The following PPP1R16B variants were observed in gnomAD, a reference collection of about 807,000 sequenced individuals.
PPP1R16B encodes protein phosphatase 1 regulatory subunit 16B.
A neutral mutation model predicts 61.7 loss-of-function variants in PPP1R16B; 14 were observed. The observed-to-expected ratio is 0.23, with a 90% CI of 0.15 to 0.35. The LOEUF (loss-of-function observed/expected upper bound fraction) is 0.35, where lower values mean the gene tolerates loss of function less well. Among genes scored for constraint, PPP1R16B ranks in the 10% least tolerant of loss-of-function variants. The pLI, the probability that PPP1R16B is intolerant of heterozygous loss-of-function variation, is 1.00. For synonymous variants in PPP1R16B, 266 were observed against 305.3 expected (o/e 0.87, Z 1.34); for missense variants, 547 against 752.5 (o/e 0.73, Z 3.19).
rs1212047381 is a variant in PPP1R16B, at chr20:38,896,115, C to CCTTT, written c.467+408_467+409insTCTT. ...GCCTTTCTTCTGTCTCCCCTCCCTTCCTTCTTTCTTCCCTTCCTCCCTCCT... is the reference window on the plus strand; with the variant it reads ...GCCTTTCTTCTGTCTCCCCTCCCTTCCTTTCTTCTTTCTTCCCTTCCTCCCTCCT... On this transcript the variant is annotated intron_variant, in intron 4 of 10. Coordinates refer to ENST00000299824, the MANE Select transcript of PPP1R16B (RefSeq NM_015568.4). Among the ~76,000 whole-genome samples, 284 of 98,912 alleles carry CCTTT rather than the reference C, an allele frequency of 2.9e-3. 1 individual carries two copies. The highest frequency in any genetic ancestry group is 9.4e-3 in the East Asian group (20 of 2,120). The allele number at this position is 98,912 out of a possible 152,430, so 64.9% of individuals were successfully genotyped here.
At position 38,822,504 on chromosome 20, in the gene PPP1R16B, CTTTT is replaced by C. The variant is rs972450839; in HGVS notation, c.-101-13302_-101-13299del. On this transcript the variant is annotated intron_variant, in intron 1 of 10. Coordinates refer to ENST00000299824, the MANE Select transcript of PPP1R16B (RefSeq NM_015568.4). ...TTGAACACATTTAGTGCCTTCCAAT[CTTTT>C]TTTTTTTTTTTTTTTTTTCTGTCTA... Among the ~76,000 whole-genome samples the C allele has an allele frequency of 4.8e-5, 5 of 104,208 alleles. No individual in the cohort carries two copies. The East Asian group carries it at 8.7e-4, about 18-fold the overall frequency. The allele number at this position is 104,208 out of a possible 152,430, so 68.4% of individuals were successfully genotyped here.
At chr20:38,843,308 C>T (rs1368512918) in intron 2 of PPP1R16B, among the ~76,000 whole-genome samples, 1 of 152,264 alleles carries the variant, frequency 6.6e-6, no homozygotes, top group Non-Finnish European at 1.5e-5. Flanking sequence ...TACTGCCTCA[C>T]ACAATTTCTG....
At chr20:38,858,330 G>A (rs2085022623) in intron 2 of PPP1R16B, among the ~76,000 whole-genome samples, 1 of 152,070 alleles carries the variant, frequency 6.6e-6, no homozygotes, top group East Asian at 1.9e-4. Context: ...GAAACTGATG[G>A]GGGAATTCTC....
intron 10 of PPP1R16B, among the ~76,000 whole-genome samples, chr20:38,910,796 G>T (rs549222470): frequency 1.3e-5 from 2 of 152,174 alleles, no homozygotes; most frequent in South Asian, 4.2e-4. Context: ...AAGAGATCGA[G>T]ACCATCCTAG....
In PPP1R16B at chr20:38,826,621, A is replaced by G. The variant is rs545742549; in HGVS notation, c.-101-9204A>G. On this transcript the variant is annotated intron_variant, in intron 1 of 10. Coordinates refer to ENST00000299824, the MANE Select transcript of PPP1R16B (RefSeq NM_015568.4). The stretch of plus-strand genomic sequence containing the variant: ...CAGGCAGAACCAATCCAAATCATCA[A>G]TCAGCACCTGCTTAAAATGGGCCTT... Among the ~76,000 whole-genome samples the G allele has an allele frequency of 3.3e-5, 5 of 152,354 alleles. No homozygotes were observed. In the East Asian group the frequency reaches 5.8e-4, roughly 18 times the overall value.
intron 2 of PPP1R16B, among the ~76,000 whole-genome samples, chr20:38,882,257 C>G (rs55927879): frequency 0.22 from 33,076 of 151,880 alleles, 4,019 homozygotes; most frequent in African/African-American, 0.32. Flanking sequence ...CAGAGGGGGA[C>G]AGTGTTGGGT....
rs539995306 is a variant in PPP1R16B at position 38,808,941 on chromosome 20, G to A, written c.-102+3149G>A. Among the ~76,000 whole-genome samples the A allele has an allele frequency of 3.5e-3, 525 of 152,126 alleles. 5 individuals are homozygous for A. The highest frequency in any genetic ancestry group is 0.012 in the African/African-American group (498 of 41,502). The stretch of plus-strand genomic sequence containing the variant: ...CTAGCTACTTGGGAGGCTGAGGCAC[G>A]AGAATTGCTTGAACCCGGGAGCAGG... On this transcript the variant is annotated intron_variant, in intron 1 of 10. Transcript: ENST00000299824.
rs942025025 is a variant in PPP1R16B at position 38,885,972 on chromosome 20, C to T, written c.251-3623C>T. Among the ~76,000 whole-genome samples, 9 of 152,270 alleles carry T rather than the reference C, an allele frequency of 5.9e-5. No homozygotes were observed. The Middle Eastern group carries it at 0.01, about 173-fold the overall frequency. On this transcript the variant is annotated intron_variant, in intron 2 of 10. Transcript: ENST00000299824. ...TGTATTTTTAGTAGAGACAGGGTTT[C>T]GCCATGTTGGCCAGGCTGGTCTTGA...
At chr20:38,839,846 A>T (rs1181564499) in intron 2 of PPP1R16B, among the ~76,000 whole-genome samples, 1 of 152,212 alleles carries the variant, frequency 6.6e-6, no homozygotes, top group Admixed American at 6.5e-5. Context: ...AGATTTTTCC[A>T]GTAGCTTCGC....
At position 38,900,536 on chromosome 20, in the gene PPP1R16B, C is replaced by T. The variant is rs1285287922; in HGVS notation, c.468-45C>T. 2.0e-6 allele frequency: 3 copies of T among 1,528,052 alleles called. No homozygotes were observed. The South Asian group carries it at 3.5e-5, about 18-fold the overall frequency. The allele number at this position is 1,528,052 out of a possible 1,614,324, so 94.7% of individuals were successfully genotyped here. On this transcript the variant is annotated intron_variant, in intron 4 of 10. Transcript: ENST00000299824. Reference sequence around the variant, plus strand: ...AGAGGGCAGAGGCAGCTAGACCAACCCTAGCCACACCTACTTGGCCCTCAC... The same window carrying T: ...AGAGGGCAGAGGCAGCTAGACCAACTCTAGCCACACCTACTTGGCCCTCAC...
At chr20:38,810,361 C>G (rs1400210325) in intron 1 of PPP1R16B, among the ~76,000 whole-genome samples, 1 of 152,186 alleles carries the variant, frequency 6.6e-6, no homozygotes, top group Admixed American at 6.5e-5. Flanking sequence ...CTCACTGACC[C>G]GAGGCAGTCC....
intron 1 of PPP1R16B, among the ~76,000 whole-genome samples, chr20:38,819,122 G>A (rs138846396): frequency 5.9e-5 from 9 of 152,204 alleles, no homozygotes; most frequent in African/African-American, 1.9e-4. Context: ...AAAGAGCATG[G>A]GCTTCAGTGT....
intron 2 of PPP1R16B, among the ~76,000 whole-genome samples, chr20:38,850,334 T>G (rs1156961551): frequency 6.6e-6 from 1 of 152,100 alleles, no homozygotes; most frequent in Non-Finnish European, 1.5e-5. Context: ...CACTTGGTAT[T>G]ATGTTGTACC....
chr20:38,815,997 A>G (rs184975360), intron 1 of PPP1R16B, among the ~76,000 whole-genome samples: 4 of 152,356 alleles, frequency 2.6e-5, no homozygotes, highest in African/African-American at 9.6e-5. Flanking sequence ...AATATCACAA[A>G]TGAATTCATA....
chr20:38,885,754 G>C (rs1243843582), intron 2 of PPP1R16B, among the ~76,000 whole-genome samples: 1 of 152,198 alleles, frequency 6.6e-6, no homozygotes, highest in Non-Finnish European at 1.5e-5. Context: ...AAAAGGCTTA[G>C]TAAGAAAACA....
At chr20:38,903,776 T>C (rs753115045) in intron 6 of PPP1R16B, among the ~76,000 whole-genome samples, 9 of 152,228 alleles carry the variant, frequency 5.9e-5, no homozygotes, top group Non-Finnish European at 1.0e-4. Context: ...CAAGTGTCAC[T>C]GACTTAGGAA....
intron 6 of PPP1R16B, among the ~76,000 whole-genome samples, chr20:38,904,350 T>C (rs930057147): frequency 3.9e-5 from 6 of 152,210 alleles, no homozygotes; most frequent in African/African-American, 1.4e-4. Flanking sequence ...ATATACTAGG[T>C]CTCAGGTCTT....
At chr20:38,810,616 G>T (rs934692870) in intron 1 of PPP1R16B, among the ~76,000 whole-genome samples, 3 of 152,264 alleles carry the variant, frequency 2.0e-5, no homozygotes, top group Non-Finnish European at 1.5e-5. Context: ...GAGAGAAGAG[G>T]GTAGAAGTGG....
intron 1 of PPP1R16B, among the ~76,000 whole-genome samples, chr20:38,813,358 T>G (rs1244674369): frequency 6.6e-6 from 1 of 152,260 alleles, no homozygotes; most frequent in Non-Finnish European, 1.5e-5. Flanking sequence ...TGCCTGGGCC[T>G]TAGCCCAGTC....
Sources: allele counts gnomAD v4.1 joint callset (sites outside exome capture counted in the v4.1 genomes callset), GRCh38; gene constraint gnomAD v4.1.1; transcripts MANE v1.5; gene names NCBI Gene and HGNC (gene_info 2026-07-23, HGNC 2026-07-21).